The following PCDH7 variants were observed in gnomAD, a reference collection of about 807,000 sequenced individuals.
PCDH7 encodes the protein protocadherin 7.
Under a neutral mutation model 58.9 loss-of-function variants are expected in PCDH7, and 17 were observed. The ratio of observed to expected loss-of-function variants is 0.29; its 90% CI spans 0.20 to 0.43. The LOEUF is 0.43. Ranked by LOEUF, PCDH7 falls within the 20% of genes least tolerant of loss-of-function variation. PCDH7 has a pLI of 1.00. For synonymous variants in PCDH7, 664 were observed against 616.4 expected, an observed-to-expected ratio of 1.08 and a Z score of -1.14; for missense variants, 1,274 against 1,441.0, an observed-to-expected ratio of 0.88 and a Z score of 1.88.
rs1199578911 is a variant in PCDH7 at position 30,721,413 on chromosome 4, G to A, written c.-10G>A. ...GTTAGAAGGAGCAGTAGCAGCAGCA[G>A]CAGGAGAAGATGCTGAGGATGCGGA... On this transcript the variant is annotated 5_prime_UTR_variant, in exon 1 of 2. Transcript: ENST00000361762. This position sits in a 1 kb window ranked among gnomAD's most constrained non-coding sequence, Gnocchi z 6.7. 1.3e-6 allele frequency: 2 copies of A among 1,486,198 alleles called. No homozygotes were observed. The highest frequency in any genetic ancestry group is 4.5e-5 in the Admixed American group (2 of 44,410). 92.1% of individuals were successfully genotyped at this position (1,486,198 alleles called of 1,614,324 possible).
intron 3 of PCDH7, among the ~76,000 whole-genome samples, chr4:31,079,868 T>C (rs1405108621): frequency 6.6e-6 from 1 of 151,548 alleles, no homozygotes; most frequent in Non-Finnish European, 1.5e-5. Context: ...AAACTAGAAA[T>C]AGAGGATCAT....
intron 3 of PCDH7, among the ~76,000 whole-genome samples, chr4:31,064,994 T>G (rs1357756621): frequency 6.6e-6 from 1 of 152,134 alleles, no homozygotes; most frequent in East Asian, 1.9e-4. Flanking sequence ...GTTCTCAAGT[T>G]TACTTGCTTA....
At chr4:31,077,334 A>T (rs1015976665) in intron 3 of PCDH7, among the ~76,000 whole-genome samples, 2 of 150,620 alleles carry the variant, frequency 1.3e-5, no homozygotes, top group Non-Finnish European at 3.0e-5. Flanking sequence ...ACTTGAGCCC[A>T]GGAGGCAGAG....
chr4:30,950,027 G>T (rs77559960), intron 2 of PCDH7: 21,293 of 152,494 alleles, frequency 0.14, 1,908 homozygotes, highest in Middle Eastern at 0.24. Context: ...AGGGTTTTTG[G>T]AAATTGTTTT....
At chr4:31,058,131 A>G (rs922007576) in intron 3 of PCDH7, among the ~76,000 whole-genome samples, 3 of 152,076 alleles carry the variant, frequency 2.0e-5, no homozygotes, top group East Asian at 3.9e-4. Flanking sequence ...GGCTTCTCTG[A>G]CACAACCAAA....
intron 1 of PCDH7, among the ~76,000 whole-genome samples, chr4:30,864,114 C>CT (rs1734558501): frequency 6.7e-6 from 1 of 149,860 alleles, no homozygotes; most frequent in Non-Finnish European, 1.5e-5. Flanking sequence ...CCAAGACCAT[C>CT]TCTTTTTTTT....
intron 1 of PCDH7, among the ~76,000 whole-genome samples, chr4:30,829,720 G>A (rs767689988): frequency 1.3e-5 from 2 of 152,050 alleles, no homozygotes; most frequent in Non-Finnish European, 2.9e-5. Flanking sequence ...AAACTGGGAG[G>A]TGGGGAAGAA....
intron 1 of PCDH7, among the ~76,000 whole-genome samples, chr4:30,852,008 T>A (rs971656496): frequency 2.6e-5 from 4 of 152,086 alleles, no homozygotes; most frequent in Admixed American, 6.6e-5. Context: ...GATTTTTCAA[T>A]GGAAAGCAAT....
chr4:30,747,475 C>T (rs987144201), intron 1 of PCDH7, among the ~76,000 whole-genome samples: 4 of 152,266 alleles, frequency 2.6e-5, no homozygotes, highest in East Asian at 1.9e-4. Context: ...TCTGTAGTGT[C>T]AAGAGGAGAA....
At chr4:30,953,321 C>T (rs1158976885) in intron 3 of PCDH7, among the ~76,000 whole-genome samples, 1 of 152,082 alleles carries the variant, frequency 6.6e-6, no homozygotes, top group African/African-American at 2.4e-5. Flanking sequence ...TTCAGACAGA[C>T]ACTATGTCAT....
chr4:30,795,405 T>G (rs1375712154), intron 1 of PCDH7, among the ~76,000 whole-genome samples: 1 of 152,196 alleles, frequency 6.6e-6, no homozygotes, highest in Non-Finnish European at 1.5e-5. Context: ...CTTCCTGGCA[T>G]AAAGTAAGAA....
At chr4:30,856,886 G>A (rs766178414) in intron 1 of PCDH7, among the ~76,000 whole-genome samples, 8 of 151,326 alleles carry the variant, frequency 5.3e-5, no homozygotes, top group Non-Finnish European at 1.2e-4. Context: ...AAACCTAATT[G>A]TGAAATTGTA....
chr4:30,813,862 G>A (rs1381287990), intron 1 of PCDH7, among the ~76,000 whole-genome samples: 1 of 152,056 alleles, frequency 6.6e-6, no homozygotes, highest in Non-Finnish European at 1.5e-5. Context: ...GGCTGGTCTC[G>A]AACTCCTGAC....
At chr4:30,944,955 C>A (rs754415368) in intron 2 of PCDH7, among the ~76,000 whole-genome samples, 2 of 151,898 alleles carry the variant, frequency 1.3e-5, no homozygotes, top group African/African-American at 2.4e-5. Context: ...ATCAATTAAG[C>A]AAAATATTAT....
intron 2 of PCDH7, among the ~76,000 whole-genome samples, chr4:30,941,237 T>G (rs929957181): frequency 6.6e-6 from 1 of 151,972 alleles, no homozygotes; most frequent in Non-Finnish European, 1.5e-5. Context: ...GTGAACAGAC[T>G]GTTTTACTTT....
intron 3 of PCDH7, among the ~76,000 whole-genome samples, chr4:30,997,962 G>A (rs1274109811): frequency 6.6e-6 from 1 of 152,030 alleles, no homozygotes; most frequent in Non-Finnish European, 1.5e-5. Context: ...AAGGAACCAA[G>A]TGTTAATTGA....
intron 3 of PCDH7, among the ~76,000 whole-genome samples, chr4:31,137,006 G>C (rs944189262): frequency 2.0e-5 from 3 of 152,154 alleles, no homozygotes; most frequent in African/African-American, 4.8e-5. Flanking sequence ...TTGAGTAAAA[G>C]ATATTTTCAT....
At chr4:31,120,401 T>C (rs529301328) in intron 3 of PCDH7, among the ~76,000 whole-genome samples, 1 of 151,122 alleles carries the variant, frequency 6.6e-6, no homozygotes, top group East Asian at 1.9e-4. Context: ...TTTTTTTTCC[T>C]TTCAGTCTTG....
At chr4:30,887,175 C>G (rs568309233) in intron 1 of PCDH7, among the ~76,000 whole-genome samples, 72 of 152,146 alleles carry the variant, frequency 4.7e-4, no homozygotes, top group African/African-American at 1.7e-3. Flanking sequence ...TTGTTCTTGG[C>G]AAACATAGCA....
Sources: gnomAD v4.1 joint callset for allele counts (sites outside exome capture counted in the v4.1 genomes callset) on GRCh38, gnomAD v4.1.1 for gene constraint, Gnocchi (gnomAD v3.1) non-coding constraint, MANE v1.5 for transcripts, NCBI Gene and HGNC (gene_info 2026-07-23, HGNC 2026-07-21) for gene names.